The following KPNA5 variants were observed in gnomAD, a reference collection of about 807,000 sequenced individuals.
KPNA5 encodes the protein karyopherin subunit alpha 5, also known as importin subunit alpha-6.
A neutral mutation model predicts 71.3 loss-of-function variants in KPNA5; 46 were observed. The ratio of observed to expected loss-of-function variants is 0.65; its 90% confidence interval spans 0.51 to 0.83. The LOEUF (loss-of-function observed/expected upper bound fraction) is 0.83. Ranked by LOEUF, KPNA5 falls within the 40% of genes least tolerant of loss-of-function variation. KPNA5 has a pLI of 0.00. For synonymous variants in KPNA5, 207 were observed against 201.4 expected (o/e 1.03, Z -0.24); for missense variants, 547 against 628.3 (o/e 0.87, Z 1.38).
At chr6:116,714,008 A>G (rs898435212) in intron 7 of KPNA5, among the ~76,000 whole-genome samples, 33 of 152,162 alleles carry the variant, frequency 2.2e-4, no homozygotes, top group African/African-American at 7.7e-4. Flanking sequence ...TGAATTTAAA[A>G]TCTTTGCATA....
intron 2 of KPNA5, 145 bp from the exon 3 acceptor site, chr6:116,691,910 G>A: frequency 1.5e-6 from 1 of 667,864 alleles, no homozygotes; most frequent in South Asian, 1.8e-5. Flanking sequence ...CTAGTATAAT[G>A]ATTGGGAAAT....
chr6:116,700,340 T>C (rs1366823185), intron 5 of KPNA5, among the ~76,000 whole-genome samples: 1 of 152,098 alleles, frequency 6.6e-6, no homozygotes. Context: ...TGTGGTGGCA[T>C]GCACCTGTAG....
intron 7 of KPNA5, among the ~76,000 whole-genome samples, chr6:116,715,928 AAAAG>A (rs1417939138): frequency 6.6e-6 from 1 of 151,796 alleles, no homozygotes; most frequent in Admixed American, 6.6e-5. Context: ...AAAAAAAAGA[AAAAG>A]AAAAATTAAT....
At chr6:116,697,251 C>G (rs1778062808) in intron 4 of KPNA5, among the ~76,000 whole-genome samples, 1 of 151,742 alleles carries the variant, frequency 6.6e-6, no homozygotes, top group Non-Finnish European at 1.5e-5. Flanking sequence ...ACTGTTTTAT[C>G]CTGTTGATGT....
At chr6:116,724,103 G>A (rs1034386658) in intron 9 of KPNA5, among the ~76,000 whole-genome samples, 194 bp from the exon 10 acceptor site, 1 of 152,098 alleles carries the variant, frequency 6.6e-6, no homozygotes, top group African/African-American at 2.4e-5. Flanking sequence ...AAATCATTCT[G>A]GAGAGACATG....
At chr6:116,726,684 A>T in intron 12 of KPNA5, 62 bp downstream of exon 12, 1 of 1,358,706 alleles carries the variant, frequency 7.4e-7, no homozygotes, top group Non-Finnish European at 1.0e-6. Context: ...GAAATAAAAC[A>T]TATTTTAATT....
chr6:116,719,958 T>G (rs2114478937), intron 8 of KPNA5, among the ~76,000 whole-genome samples: 1 of 152,356 alleles, frequency 6.6e-6, no homozygotes, highest in Middle Eastern at 3.4e-3. Flanking sequence ...TACTTTCTAG[T>G]CTAGTGCTTC....
chr6:116,733,697 T>C lies in KPNA5; in HGVS notation c.*1374T>C, dbSNP rs772617873. 1 of 151,584 alleles carries C rather than the reference T, an allele frequency of 6.6e-6. No homozygotes were observed. The highest frequency in any genetic ancestry group is 1.5e-5 in the Non-Finnish European group (1 of 67,676). The allele number at this position is 151,584 out of a possible 1,614,324, so 9.4% of individuals were successfully genotyped here. A position where few individuals can be genotyped will look rare whatever the true frequency, so the allele number is the denominator to read the frequency against. On this transcript the variant is annotated 3_prime_UTR_variant, in exon 14 of 14. Coordinates refer to ENST00000368564, the MANE Select transcript of KPNA5 (RefSeq NM_001366306.2). ...ATACGTAGGCTATTTATGTGTCCAA[T>C]TGTATACCTAGAATACTTACTTAAA... is the stretch of plus-strand genomic sequence containing the variant.
intron 4 of KPNA5, among the ~76,000 whole-genome samples, chr6:116,698,129 A>G: frequency 6.6e-6 from 1 of 152,010 alleles, no homozygotes; most frequent in Non-Finnish European, 1.5e-5. Flanking sequence ...TTAGATGACC[A>G]GTACCTGAAA....
At position 116,729,651 on chromosome 6, in the gene KPNA5, C is replaced by T; in HGVS notation, c.1342C>T (p.Leu448Phe). The T allele has an allele frequency of 1.2e-6, 2 of 1,610,592 alleles. No homozygotes were observed. Among genetic ancestry groups the T allele is most frequent in the Non-Finnish European group, 1.7e-6 (2 of 1,178,206 alleles). The part of the protein sequence containing the change: ...SKIVQVALNG[L>F]ENILRLGEQE... ...AATAGTCCAAGTGGCTTTAAATGGA[C>T]TTGAAAATATTTTACGTCTTGGAGA... Residue 448 changes from leucine (L) to phenylalanine (F), a missense_variant, in exon 13 of 14, where the codon CTT (leucine) becomes TTT (phenylalanine). By Grantham distance (22) the Leu-to-Phe change is conservative (BLOSUM62 0). Transcript: ENST00000368564.
intron 2 of KPNA5, 59 bp downstream of exon 2, chr6:116,689,512 T>C (rs1777714874): frequency 6.1e-6 from 8 of 1,317,502 alleles, no homozygotes; most frequent in Admixed American, 2.6e-5. Flanking sequence ...TGCTAATTAT[T>C]GGATAATTTT....
chr6:116,740,667 A>C lies in KPNA5; in HGVS notation c.*8344A>C, dbSNP rs1305564170. 1.3e-5 allele frequency: 2 copies of C among 152,190 alleles called. No individual in the cohort carries two copies. Among genetic ancestry groups the C allele is most frequent in the Non-Finnish European group, 2.9e-5 (2 of 68,032 alleles). The allele number at this position is 152,190 out of a possible 1,614,324, so 9.4% of individuals were successfully genotyped here. Reference sequence around the variant, plus strand: ...CACCATGGAATACTATGCAGCCATAAAAAATGATGAGTTCATGTCCTTTGT... The same window carrying C: ...CACCATGGAATACTATGCAGCCATACAAAATGATGAGTTCATGTCCTTTGT... On this transcript the variant is annotated 3_prime_UTR_variant, in exon 14 of 14. Coordinates refer to ENST00000368564, the MANE Select transcript of KPNA5 (RefSeq NM_001366306.2).
Position 116,735,932 on chromosome 6 carries a change from G to T in KPNA5, c.*3609G>T, listed in dbSNP as rs899288387. On this transcript the variant is annotated 3_prime_UTR_variant, in exon 14 of 14. Coordinates refer to ENST00000368564, the MANE Select transcript of KPNA5 (RefSeq NM_001366306.2). ...AGAGGTTATCAGTTTTAATAAAAAA[G>T]TAAGGCCGTATTTTGCCTCTAAGAA... 1 of 151,508 alleles carries T rather than the reference G, an allele frequency of 6.6e-6. No homozygotes were observed. Among genetic ancestry groups the T allele is most frequent in the East Asian group, 1.9e-4 (1 of 5,188 alleles). The allele number at this position is 151,508 out of a possible 1,614,324, so 9.4% of individuals were successfully genotyped here. A position where few individuals can be genotyped will look rare whatever the true frequency, so the allele number is the denominator to read the frequency against.
intron 1 of KPNA5, among the ~76,000 whole-genome samples, chr6:116,687,745 T>A (rs73765832): frequency 2.0e-5 from 3 of 152,148 alleles, no homozygotes; most frequent in African/African-American, 7.2e-5. Context: ...TTACATTCAT[T>A]TGGCCTCTAA....
intron 13 of KPNA5, among the ~76,000 whole-genome samples, chr6:116,730,027 TTTA>T (rs1402711945): frequency 1.3e-5 from 2 of 150,428 alleles, no homozygotes; most frequent in Middle Eastern, 3.2e-3. Context: ...CTACATAATT[TTTA>T]TTATAATGGC....
Position 116,737,011 on chromosome 6 carries a change from C to G in KPNA5, c.*4688C>G, listed in dbSNP as rs2114523521. ...GGCCTTGCTACTAATTCTGTCATTT[C>G]TTGCTCTGTTTCTGTTTATTGATTT... is the stretch of plus-strand genomic sequence containing the variant. On this transcript the variant is annotated 3_prime_UTR_variant, in exon 14 of 14. Transcript: ENST00000368564. The G allele has an allele frequency of 6.6e-6, 1 of 151,944 alleles. No individual in the cohort carries two copies. Among genetic ancestry groups the G allele is most frequent in the East Asian group, 1.9e-4 (1 of 5,174 alleles). 9.4% of individuals were successfully genotyped at this position (151,944 alleles called of 1,614,324 possible).
At chr6:116,712,910 C>T (rs902659048) in intron 7 of KPNA5, among the ~76,000 whole-genome samples, 1 of 151,866 alleles carries the variant, frequency 6.6e-6, no homozygotes, top group African/African-American at 2.4e-5. Flanking sequence ...TTGTAACCAC[C>T]TTGATTGAAT....
intron 7 of KPNA5, among the ~76,000 whole-genome samples, chr6:116,706,656 TCCAG>T: frequency 6.6e-6 from 1 of 152,058 alleles, no homozygotes; most frequent in East Asian, 1.9e-4. Context: ...GCCATTGCAC[TCCAG>T]CCTGGGCAAC....
At chr6:116,724,547 G>A (rs1488112706) in intron 10 of KPNA5, among the ~76,000 whole-genome samples, 172 bp downstream of exon 10, 1 of 152,074 alleles carries the variant, frequency 6.6e-6, no homozygotes, top group East Asian at 1.9e-4. Context: ...GTGCTGTCAA[G>A]ATTGACTCCA....
Sources: gnomAD v4.1 joint callset for allele counts (sites outside exome capture counted in the v4.1 genomes callset) on GRCh38, gnomAD v4.1.1 for gene constraint, MANE v1.5 for transcripts, NCBI Gene and HGNC (gene_info 2026-07-23, HGNC 2026-07-21) for gene names.